Variants in ELK3 observed in about 807,000 individuals in gnomAD.
ELK3 encodes the protein ETS transcription factor ELK3, also known as ETS domain-containing protein Elk-3.
In ELK3, 10 loss-of-function variants were observed where a neutral mutation model predicts 28.9. The observed-to-expected ratio is 0.35, with a 90% confidence interval of 0.21 to 0.59. The LOEUF is 0.59. Among genes scored for constraint, ELK3 ranks in the 20% least tolerant of loss-of-function variants. ELK3 has a pLI of 0.82. For missense variants in ELK3, 463 were observed against 517.3 expected (o/e 0.90, Z 1.02); for synonymous variants, 272 against 243.5 (o/e 1.12, Z -1.09).
intron 1 of ELK3, among the ~76,000 whole-genome samples, chr12:96,207,507 T>C (rs976722645): frequency 1.3e-5 from 2 of 152,252 alleles, no homozygotes; most frequent in African/African-American, 4.8e-5. Flanking sequence ...ACCAGATTTA[T>C]GTATAAATGT....
At chr12:96,248,257 G>A (rs1481829931) in intron 3 of ELK3, among the ~76,000 whole-genome samples, 3 of 152,194 alleles carry the variant, frequency 2.0e-5, no homozygotes, top group Non-Finnish European at 2.9e-5. Context: ...CAGCTGCTTC[G>A]CTGAAAGCAG....
intron 1 of ELK3, among the ~76,000 whole-genome samples, chr12:96,210,542 C>T (rs2137004871): frequency 6.7e-6 from 1 of 149,766 alleles, no homozygotes; most frequent in East Asian, 2.0e-4. Context: ...CATCCTGTTC[C>T]ACCGCCCTGC....
chr12:96,201,601 A>G (rs1423191505), intron 1 of ELK3, among the ~76,000 whole-genome samples: 1 of 149,918 alleles, frequency 6.7e-6, no homozygotes, highest in Non-Finnish European at 1.5e-5. Flanking sequence ...AAAAAAAAAA[A>G]AGGGATTGAA....
Position 96,247,088 on chromosome 12 carries a change from G to A in ELK3, c.356G>A (p.Arg119His), listed in dbSNP as rs752654847. 75 of 1,613,464 alleles carry A rather than the reference G, an allele frequency of 4.6e-5. No individual in the cohort carries two copies. Among genetic ancestry groups the A allele is most frequent in the East Asian group, 2.2e-4 (10 of 44,876 alleles). The change falls in exon 3 of 5, where the codon CGC becomes CAC. Residue 119 changes from arginine (R) to histidine (H), a missense_variant. Physicochemically the swap from Arg to His is conservative, Grantham distance 29. Around this residue, in one of 2 missense-constraint regions of ELK3, gnomAD observed 408 missense variants for 414.8 expected, o/e 0.98. Coordinates refer to ENST00000228741, the MANE Select transcript of ELK3 (RefSeq NM_005230.4). This position sits in a 1 kb window ranked among gnomAD's most constrained non-coding sequence, Gnocchi z 5.5. ...DSDCKASPEG[R>H]EAHKHGLAAL... ...GACTGCAAGGCGTCTCCGGAGGGCCGCGAGGCCCACAAACACGGCCTGGCC... is the reference window on the plus strand; with the variant it reads ...GACTGCAAGGCGTCTCCGGAGGGCCACGAGGCCCACAAACACGGCCTGGCC...
intron 4 of ELK3, among the ~76,000 whole-genome samples, chr12:96,262,023 T>C (rs71460334): frequency 0.05 from 7,604 of 150,744 alleles, 251 homozygotes; most frequent in Non-Finnish European, 0.063. Flanking sequence ...AAAACTTTTT[T>C]TTTTTTTTTT....
chr12:96,254,141 A>G (rs1280956079), intron 3 of ELK3, among the ~76,000 whole-genome samples: 1 of 152,240 alleles, frequency 6.6e-6, no homozygotes, highest in Admixed American at 6.5e-5. Context: ...CCTGGCCAAC[A>G]TGGCCAAACC....
chr12:96,231,952 G>C (rs149703402), intron 2 of ELK3, among the ~76,000 whole-genome samples: 2 of 152,184 alleles, frequency 1.3e-5, no homozygotes, highest in African/African-American at 4.8e-5. Context: ...AGAGAACCCC[G>C]TGTAAAGTGC....
intron 1 of ELK3, among the ~76,000 whole-genome samples, chr12:96,200,978 T>A (rs574171605): frequency 2.0e-5 from 3 of 152,322 alleles, no homozygotes; most frequent in African/African-American, 4.8e-5. Flanking sequence ...CTAATTTTTT[T>A]ATTTTTTGTA....
Position 96,247,419 on chromosome 12 carries a change from C to T in ELK3, c.687C>T (p.Asn229=), listed in dbSNP as rs142048091. Residue 229 remains asparagine, a synonymous_variant, in exon 3 of 5, where the codon AAC becomes AAT. Coordinates refer to ENST00000228741, the MANE Select transcript of ELK3 (RefSeq NM_005230.4). The surrounding 1 kb of genome is among the most constrained non-coding windows in gnomAD (Gnocchi z 5.5). Reference sequence around the variant, plus strand: ...AGATCTCCTCTTTAATGTTGCCAAACGCTGCCAGTATTTCATCCGCCTCAC... The same window carrying T: ...AGATCTCCTCTTTAATGTTGCCAAATGCTGCCAGTATTTCATCCGCCTCAC... ...SAKISSLMLP[N]AASISSASPF... 8.2e-5 allele frequency: 132 copies of T among 1,614,036 alleles called. No homozygotes were observed. Among genetic ancestry groups the T allele is most frequent in the Non-Finnish European group, 9.8e-5 (116 of 1,180,046 alleles).
In ELK3 at chr12:96,210,565, G is replaced by GCACA. The variant is rs56257302; in HGVS notation, c.-2-12970_-2-12967dup. Among the ~76,000 whole-genome samples the GCACA allele has an allele frequency of 2.5e-3, 371 of 146,422 alleles. 4 individuals carry two copies. Among genetic ancestry groups the GCACA allele is most frequent in the Admixed American group, 3.3e-3 (48 of 14,714 alleles). ...TCCACCGCCCTGCGCGCGGGCGCAC[G>GCACA]CACACACACACACACACACACACAC... On this transcript the variant is annotated intron_variant, in intron 1 of 4. Coordinates refer to ENST00000228741, the MANE Select transcript of ELK3 (RefSeq NM_005230.4).
chr12:96,210,545 C>T (rs886135176), intron 1 of ELK3, among the ~76,000 whole-genome samples: 12 of 138,136 alleles, frequency 8.7e-5, no homozygotes, highest in East Asian at 4.6e-4. Flanking sequence ...CCTGTTCCAC[C>T]GCCCTGCGCG....
At chr12:96,208,027 T>C (rs1386239216) in intron 1 of ELK3, among the ~76,000 whole-genome samples, 1 of 152,200 alleles carries the variant, frequency 6.6e-6, no homozygotes, top group Non-Finnish European at 1.5e-5. Flanking sequence ...CTTTTCCAGG[T>C]AGGCTGATGT....
intron 3 of ELK3, among the ~76,000 whole-genome samples, chr12:96,254,026 T>C (rs1243448734): frequency 6.6e-6 from 1 of 152,208 alleles, no homozygotes; most frequent in African/African-American, 2.4e-5. Flanking sequence ...TTGTTTGGAT[T>C]GGAAATTAAC....
chr12:96,260,738 T>G (rs1456404929), intron 4 of ELK3, among the ~76,000 whole-genome samples: 1 of 152,164 alleles, frequency 6.6e-6, no homozygotes, highest in Non-Finnish European at 1.5e-5. Context: ...GAAGAAAAGG[T>G]GGACCCAGTG....
intron 1 of ELK3, among the ~76,000 whole-genome samples, chr12:96,216,130 C>T (rs1951615988): frequency 6.6e-6 from 1 of 152,204 alleles, no homozygotes; most frequent in Admixed American, 6.5e-5. Context: ...GCCCCATCTG[C>T]AGCGGCTATG....
Position 96,223,897 on chromosome 12 carries a change from A to T in ELK3, c.207+124A>T, listed in dbSNP as rs1951680907. 7.2e-6 allele frequency: 7 copies of T among 974,890 alleles called. No individual in the cohort carries two copies. The South Asian group carries it at 1.1e-4, about 16-fold the overall frequency. The allele number at this position is 974,890 out of a possible 1,614,324, so 60.4% of individuals were successfully genotyped here. On this transcript the variant is annotated intron_variant, in intron 2 of 4. Transcript: ENST00000228741. ...TTAGAAAATAAAATAGGGGCAGTGC[A>T]TACCTTCTTTTTGGAGAAAAGCTGT...
intron 1 of ELK3, among the ~76,000 whole-genome samples, chr12:96,219,850 C>T (rs944484555): frequency 6.6e-5 from 10 of 152,152 alleles, no homozygotes; most frequent in African/African-American, 1.9e-4. Context: ...CATGACTGCC[C>T]AGTCATCGAA....
intron 3 of ELK3, among the ~76,000 whole-genome samples, chr12:96,253,222 C>T (rs148654219): frequency 2.0e-5 from 3 of 152,276 alleles, no homozygotes; most frequent in East Asian, 3.9e-4. Flanking sequence ...ATCACGCCAC[C>T]GCACTCCAGC....
In ELK3 at chr12:96,196,238, A is replaced by G. The variant is rs546582960; in HGVS notation, c.-3+1533A>G. On this transcript the variant is annotated intron_variant, in intron 1 of 4. Transcript: ENST00000228741. ...AGACAAGTTATGGCTTTATTTACTT[A>G]GGGGTGCAGCCGCCCAACGAGCCTT... is the stretch of plus-strand genomic sequence containing the variant. Among the ~76,000 whole-genome samples the G allele has an allele frequency of 2.6e-5, 4 of 152,308 alleles. No homozygotes were observed. The South Asian group carries it at 8.3e-4, about 32-fold the overall frequency.
Sources: allele counts gnomAD v4.1 joint callset (sites outside exome capture counted in the v4.1 genomes callset), GRCh38; gene constraint gnomAD v4.1.1; regional missense constraint gnomAD v4.1.1; non-coding constraint Gnocchi (gnomAD v3.1); transcripts MANE v1.5; gene names NCBI Gene and HGNC (gene_info 2026-07-23, HGNC 2026-07-21).